SPICE1: variants seen among roughly 807,000 people sequenced by gnomAD.
SPICE1 encodes the protein spindle and centriole-associated protein 1.
A neutral mutation model predicts 102.7 loss-of-function variants in SPICE1; 75 were observed. The ratio of observed to expected loss-of-function variants is 0.73; its 90% CI spans 0.61 to 0.88. SPICE1 has a LOEUF of 0.88. Ranked by LOEUF, SPICE1 falls within the 40% of genes least tolerant of loss-of-function variation. The pLI is 0.00. For synonymous variants in SPICE1, 308 were observed against 350.3 expected, an observed-to-expected ratio of 0.88 and a Z score of 1.35; for missense variants, 979 against 1,020.1, an observed-to-expected ratio of 0.96 and a Z score of 0.55.
At chr3:113,474,357 C>G (rs972749560) in intron 7 of SPICE1, among the ~76,000 whole-genome samples, 1 of 152,174 alleles carries the variant, frequency 6.6e-6, no homozygotes, top group African/African-American at 2.4e-5. Flanking sequence ...AACAACCCCA[C>G]TGTCAACATT....
chr3:113,482,321 T>C (rs918941667), intron 7 of SPICE1, among the ~76,000 whole-genome samples: 1 of 152,196 alleles, frequency 6.6e-6, no homozygotes, highest in Non-Finnish European at 1.5e-5. Flanking sequence ...CTTTGTCAAA[T>C]AGATAGATTG....
Position 113,489,092 on chromosome 3 carries a change from C to T in SPICE1, c.493-29G>A, listed in dbSNP as rs761401884. ...TCTCAACACAACAATAAAAATAGCA[C>T]AAGTTGATTATATATATACTCAGAC... On this transcript the variant is annotated intron_variant, in intron 6 of 17. Coordinates refer to ENST00000295872, the MANE Select transcript of SPICE1 (RefSeq NM_144718.4). 1.5e-5 allele frequency: 21 copies of T among 1,380,610 alleles called. No homozygotes were observed. The South Asian group carries it at 2.2e-4, about 15-fold the overall frequency. The allele number at this position is 1,380,610 out of a possible 1,614,324, so 85.5% of individuals were successfully genotyped here.
chr3:113,473,752 C>T (rs1936265188), intron 7 of SPICE1, among the ~76,000 whole-genome samples: 1 of 151,066 alleles, frequency 6.6e-6, no homozygotes, highest in East Asian at 2.0e-4. Context: ...ATTTTGTCAC[C>T]ACCAGGCCTG....
At chr3:113,459,959 G>T in intron 12 of SPICE1, 1 of 984,314 alleles carries the variant, frequency 1.0e-6, no homozygotes, top group South Asian at 4.7e-5. Context: ...TTTACCTCAT[G>T]CAAGTTAAAT....
At chr3:113,445,680 A>G (rs887497312) in intron 17 of SPICE1, among the ~76,000 whole-genome samples, 3 of 152,208 alleles carry the variant, frequency 2.0e-5, no homozygotes, top group Non-Finnish European at 4.4e-5. Context: ...AATGCTACTA[A>G]ATTCCAGGAA....
At chr3:113,495,906 A>G (rs1382690085) in intron 4 of SPICE1, among the ~76,000 whole-genome samples, 2 of 152,172 alleles carry the variant, frequency 1.3e-5, no homozygotes, top group Non-Finnish European at 2.9e-5. Context: ...TTGAGACCTG[A>G]TATTGATTAT....
chr3:113,485,178 T>G lies in SPICE1; in HGVS notation c.611+3767A>C, dbSNP rs75145142. ...AACTAGCTGCAGGAGTTTTGTTTGT[T>G]TTTTTTTTTTTTTCCATACCACAGT... On this transcript the variant is annotated intron_variant, in intron 7 of 17. Coordinates refer to ENST00000295872, the MANE Select transcript of SPICE1 (RefSeq NM_144718.4). Among the ~76,000 whole-genome samples the G allele has an allele frequency of 5.0e-5, 7 of 140,738 alleles. No homozygotes were observed. The South Asian group carries it at 1.5e-3, about 31-fold the overall frequency. 92.3% of individuals were successfully genotyped at this position (140,738 alleles called of 152,430 possible). A position where few individuals can be genotyped will look rare whatever the true frequency, so the allele number is the denominator to read the frequency against.
At chr3:113,459,125 C>T (rs1421802769) in intron 12 of SPICE1, among the ~76,000 whole-genome samples, 3 of 152,134 alleles carry the variant, frequency 2.0e-5, no homozygotes, top group Non-Finnish European at 4.4e-5. Context: ...ACCCCCAACC[C>T]CCTGCTCTCT....
Position 113,499,522 on chromosome 3 carries a change from C to T in SPICE1, c.208G>A (p.Glu70Lys), listed in dbSNP as rs868536345. The T allele has an allele frequency of 6.2e-7, 1 of 1,613,182 alleles. No homozygotes were observed. The highest frequency in any genetic ancestry group is 8.5e-7 in the Non-Finnish European group (1 of 1,179,700). ...NRALVHWELQEKALKRKWRKQ... is the reference protein window; with the variant it reads ...NRALVHWELQKKALKRKWRKQ... ...CTCCATTTTCTCTTCAAAGCTTTTT[C>T]TTGGAGTTCCCAGTGTACTAATGCT... The change falls in exon 4 of 18, where the codon GAA (glutamate) becomes AAA (lysine). Residue 70 changes from glutamate (E) to lysine (K), a missense_variant. Physicochemically the swap from Glu to Lys is moderately conservative, Grantham distance 56. Coordinates refer to ENST00000295872, the MANE Select transcript of SPICE1 (RefSeq NM_144718.4).
chr3:113,482,572 G>C (rs1936537006), intron 7 of SPICE1, among the ~76,000 whole-genome samples: 1 of 152,116 alleles, frequency 6.6e-6, no homozygotes, highest in Non-Finnish European at 1.5e-5. Flanking sequence ...AATCCATCTT[G>C]AGTTAATTTT....
chr3:113,444,630 T>C lies in SPICE1; in HGVS notation c.*677A>G, dbSNP rs1246593301. 1 of 152,236 alleles carries C rather than the reference T, an allele frequency of 6.6e-6. No homozygotes were observed. Among genetic ancestry groups the C allele is most frequent in the Non-Finnish European group, 1.5e-5 (1 of 68,044 alleles). The allele number at this position is 152,236 out of a possible 1,614,324, so 9.4% of individuals were successfully genotyped here. A position where few individuals can be genotyped will look rare whatever the true frequency, so the allele number is the denominator to read the frequency against. ...ACCATTAAATCAATGTTACCACATT[T>C]AGGCATTTGAGCTCTAGAATCATAT... On this transcript the variant is annotated 3_prime_UTR_variant, in exon 18 of 18. Transcript: ENST00000295872.
intron 1 of SPICE1, 48 bp from the exon 2 acceptor site, chr3:113,506,653 T>C (rs1211082240): frequency 6.8e-7 from 1 of 1,465,894 alleles, no homozygotes; most frequent in South Asian, 1.2e-5. Context: ...GAAAAAACAA[T>C]AAGCATCACC....
At chr3:113,458,897 C>T (rs1471584666) in intron 12 of SPICE1, among the ~76,000 whole-genome samples, 16 of 151,936 alleles carry the variant, frequency 1.1e-4, no homozygotes, top group Non-Finnish European at 2.1e-4. Flanking sequence ...TCTGCCCGGC[C>T]GCCACCCCGT....
intron 1 of SPICE1, among the ~76,000 whole-genome samples, chr3:113,513,497 A>T (rs991671144): frequency 6.6e-6 from 1 of 152,160 alleles, no homozygotes; most frequent in African/African-American, 2.4e-5. Flanking sequence ...TATCACAAAT[A>T]CAGTATATCA....
chr3:113,483,813 A>T (rs1366747015), intron 7 of SPICE1, among the ~76,000 whole-genome samples: 1 of 152,174 alleles, frequency 6.6e-6, no homozygotes, highest in Admixed American at 6.5e-5. Flanking sequence ...ATCGATGTTC[A>T]TCAGGGATAT....
intron 3 of SPICE1, among the ~76,000 whole-genome samples, chr3:113,502,555 TTAGA>T (rs1318163452): frequency 6.6e-6 from 1 of 151,160 alleles, no homozygotes; most frequent in Non-Finnish European, 1.5e-5. Context: ...CATTCCAAAA[TTAGA>T]TAGTGACAAT....
Position 113,460,580 on chromosome 3 carries a change from G to A in SPICE1, c.1435+37C>T, listed in dbSNP as rs1166084071. 7 of 1,572,452 alleles carry A rather than the reference G, an allele frequency of 4.5e-6. No individual in the cohort carries two copies. In the South Asian group the frequency reaches 7.4e-5, roughly 17 times the overall value. On this transcript the variant is annotated intron_variant, in intron 12 of 17. Transcript: ENST00000295872. The stretch of plus-strand genomic sequence containing the variant: ...GTTTGTTATCTAAGGCCATTAAGTA[G>A]TCTAATGACAGTCTGAGAGAGTAAG...
intron 1 of SPICE1, among the ~76,000 whole-genome samples, chr3:113,508,202 C>A (rs560138496): frequency 6.6e-6 from 1 of 151,980 alleles, no homozygotes; most frequent in Admixed American, 6.6e-5. Flanking sequence ...AGTAAATCTT[C>A]GTGAGCCGTG....
intron 7 of SPICE1, among the ~76,000 whole-genome samples, chr3:113,469,577 A>G (rs546275218): frequency 1.3e-5 from 2 of 148,758 alleles, no homozygotes; most frequent in South Asian, 4.2e-4. Context: ...ATTAATTTAT[A>G]TAAAAAATAG....
Sources: gnomAD v4.1 joint callset for allele counts (sites outside exome capture counted in the v4.1 genomes callset) on GRCh38, gnomAD v4.1.1 for gene constraint, MANE v1.5 for transcripts, NCBI Gene and HGNC (gene_info 2026-07-23, HGNC 2026-07-21) for gene names.